NAALADL2: variants seen among roughly 807,000 people sequenced by gnomAD.
The protein encoded by NAALADL2 is inactive N-acetylated-alpha-linked acidic dipeptidase-like protein 2.
Under a neutral mutation model 87.2 loss-of-function variants are expected in NAALADL2, and 76 were observed. The ratio of observed to expected loss-of-function variants is 0.87; its 90% CI spans 0.72 to 1.05. NAALADL2 has a LOEUF of 1.05. NAALADL2 is among the 50% of genes least tolerant of loss of function. NAALADL2 has a pLI of 0.00. For missense variants in NAALADL2, 1,089 were observed against 945.8 expected (o/e 1.15, Z -1.99); for synonymous variants, 354 against 331.0 (o/e 1.07, Z -0.75).
intron 5 of NAALADL2, among the ~76,000 whole-genome samples, chr3:175,441,947 T>C (rs752576071): frequency 5.3e-5 from 8 of 152,098 alleles, no homozygotes; most frequent in Non-Finnish European, 1.0e-4. Flanking sequence ...TTTATTTTTA[T>C]TTTTATTTTT....
chr3:175,807,498 T>G lies in NAALADL2; in HGVS notation c.*4295T>G, dbSNP rs1371120078. On this transcript the variant is annotated 3_prime_UTR_variant, in exon 14 of 14. Coordinates refer to ENST00000454872, the MANE Select transcript of NAALADL2 (RefSeq NM_207015.3). ...ATTACTCCAAAAATTAAGCTTTCTCTGAGGGTAACACATTGTCATCTCATT... is the reference window on the plus strand; with the variant it reads ...ATTACTCCAAAAATTAAGCTTTCTCGGAGGGTAACACATTGTCATCTCATT... The G allele has an allele frequency of 6.6e-6, 1 of 151,968 alleles. No homozygotes were observed. The highest frequency in any genetic ancestry group is 1.5e-5 in the Non-Finnish European group (1 of 67,898). The allele number at this position is 151,968 out of a possible 1,614,324, so 9.4% of individuals were successfully genotyped here. A position where few individuals can be genotyped will look rare whatever the true frequency, so the allele number is the denominator to read the frequency against.
chr3:174,838,497 A>T (rs931337016), intron 3 of NAALADL2, among the ~76,000 whole-genome samples: 2 of 152,184 alleles, frequency 1.3e-5, no homozygotes, highest in Non-Finnish European at 2.9e-5. Flanking sequence ...TAGCAAGAGC[A>T]ATCAGACAAG....
intron 1 of NAALADL2, among the ~76,000 whole-genome samples, chr3:174,970,272 A>G (rs1174327954): frequency 6.6e-6 from 1 of 152,244 alleles, no homozygotes; most frequent in Non-Finnish European, 1.5e-5. Flanking sequence ...AATTATTTCA[A>G]ATAAATACAT....
At chr3:175,509,143 A>G (rs1276231935) in intron 9 of NAALADL2, among the ~76,000 whole-genome samples, 1 of 151,924 alleles carries the variant, frequency 6.6e-6, no homozygotes, top group Non-Finnish European at 1.5e-5. Context: ...AAAAAAGAAT[A>G]GAGAACTGCC....
chr3:175,590,198 C>T (rs1013843846), intron 10 of NAALADL2, among the ~76,000 whole-genome samples: 2 of 68,556 alleles, frequency 2.9e-5, no homozygotes, highest in Non-Finnish European at 6.2e-5. Context: ...GGCGACAGAG[C>T]GAGACTCCGT....
chr3:174,481,785 T>G (rs1717569378), intron 1 of NAALADL2, among the ~76,000 whole-genome samples: 1 of 152,112 alleles, frequency 6.6e-6, no homozygotes, highest in Non-Finnish European at 1.5e-5. Flanking sequence ...ATGGTGCTTT[T>G]AATTTCTCTT....
At chr3:174,845,138 G>A (rs919112187) in intron 3 of NAALADL2, among the ~76,000 whole-genome samples, 2 of 152,226 alleles carry the variant, frequency 1.3e-5, no homozygotes, top group Admixed American at 6.5e-5. Flanking sequence ...ATATACCTAA[G>A]CACTGGGTTA....
chr3:174,651,223 T>A (rs1724326846), intron 2 of NAALADL2, among the ~76,000 whole-genome samples: 1 of 152,202 alleles, frequency 6.6e-6, no homozygotes, highest in Non-Finnish European at 1.5e-5. Flanking sequence ...TTATCAGTGC[T>A]CGTAATTAAG....
In NAALADL2 at chr3:175,234,213, ACCATTTGTCTCTGT is replaced by A; in HGVS notation, c.819+11_819+24del. On this transcript the variant is annotated intron_variant, in intron 3 of 13. Coordinates refer to ENST00000454872, the MANE Select transcript of NAALADL2 (RefSeq NM_207015.3). The stretch of plus-strand genomic sequence containing the variant: ...CCAAAGGAACTCTCAAGGTAATATG[ACCATTTGTCTCTGT>A]CATTTACAGTGAGATGGAATTAGAA... The A allele has an allele frequency of 6.2e-7, 1 of 1,610,236 alleles. No individual in the cohort carries two copies. Among genetic ancestry groups the A allele is most frequent in the Non-Finnish European group, 8.5e-7 (1 of 1,177,778 alleles).
intron 1 of NAALADL2, among the ~76,000 whole-genome samples, chr3:174,870,691 T>C (rs1277685467): frequency 6.6e-6 from 1 of 152,180 alleles, no homozygotes; most frequent in Non-Finnish European, 1.5e-5. Context: ...TTGACCACTA[T>C]ATTTTGCAGG....
At chr3:175,012,717 G>C (rs1750013142) in intron 1 of NAALADL2, among the ~76,000 whole-genome samples, 1 of 151,884 alleles carries the variant, frequency 6.6e-6, no homozygotes, top group Non-Finnish European at 1.5e-5. Flanking sequence ...ACACTACAGT[G>C]GAAATTGAGT....
chr3:175,545,869 T>C (rs902521150), intron 9 of NAALADL2, among the ~76,000 whole-genome samples: 3 of 152,164 alleles, frequency 2.0e-5, no homozygotes, highest in African/African-American at 7.2e-5. Context: ...CATATCACCA[T>C]AGATCTATTG....
intron 1 of NAALADL2, among the ~76,000 whole-genome samples, chr3:175,077,140 C>T (rs1050073276): frequency 3.9e-5 from 6 of 152,158 alleles, no homozygotes; most frequent in Admixed American, 1.3e-4. Flanking sequence ...TTCAGATCTG[C>T]TCTTCTGTAT....
intron 3 of NAALADL2, among the ~76,000 whole-genome samples, chr3:174,782,219 A>T (rs1716074349): frequency 6.6e-6 from 1 of 152,160 alleles, no homozygotes; most frequent in South Asian, 2.1e-4. Context: ...CCCCTCACTG[A>T]GTACAAGGTT....
intron 2 of NAALADL2, among the ~76,000 whole-genome samples, chr3:174,722,663 C>T (rs1731813975): frequency 6.6e-6 from 1 of 152,162 alleles, no homozygotes; most frequent in African/African-American, 2.4e-5. Flanking sequence ...GATCGTGCCA[C>T]TGCACTCTAG....
chr3:175,698,493 A>ATG lies in NAALADL2; in HGVS notation c.1897-38812_1897-38811insGT, dbSNP rs1738488698. On this transcript the variant is annotated intron_variant, in intron 11 of 13. Transcript: ENST00000454872. ...TGTGTGTATATATATTTATATATAT[A>ATG]TATATATATAAAATCTCCAAGCAAA... Among the ~76,000 whole-genome samples, 2 of 142,450 alleles carry ATG rather than the reference A, an allele frequency of 1.4e-5. 1 individual carries two copies. The highest frequency in any genetic ancestry group is 5.4e-5 in the African/African-American group (2 of 37,356). 93.5% of individuals were successfully genotyped at this position (142,450 alleles called of 152,430 possible).
intron 11 of NAALADL2, among the ~76,000 whole-genome samples, chr3:175,709,519 C>A (rs188626481): frequency 6.6e-6 from 1 of 152,050 alleles, no homozygotes; most frequent in Non-Finnish European, 1.5e-5. Context: ...CCATTGGTAG[C>A]GCCTGTGAAG....
rs63613963 is a variant in NAALADL2, at chr3:174,763,834, A to C, written c.-9+26088A>C. ...AAACTAAAACCAAAACAAAACAAAA[A>C]AAAAAAAACAAACAAAATTTAAAAA... On this transcript the variant is annotated intron_variant, in intron 3 of 3. Transcript: ENST00000434257. 7.7e-3 allele frequency among the ~76,000 whole-genome samples: 971 copies of C among 125,592 alleles called. 11 individuals are homozygous for C. The highest frequency in any genetic ancestry group is 0.011 in the Non-Finnish European group (651 of 59,280). The allele number at this position is 125,592 out of a possible 152,430, so 82.4% of individuals were successfully genotyped here.
At chr3:175,590,451 T>C (rs1393495326) in intron 10 of NAALADL2, among the ~76,000 whole-genome samples, 1 of 151,264 alleles carries the variant, frequency 6.6e-6, no homozygotes, top group African/African-American at 2.4e-5. Context: ...AGAAATAATA[T>C]GGTATAGAGG....
Sources: gnomAD v4.1 joint callset for allele counts (sites outside exome capture counted in the v4.1 genomes callset) on GRCh38, gnomAD v4.1.1 for gene constraint, MANE v1.5 for transcripts, NCBI Gene and HGNC (gene_info 2026-07-23, HGNC 2026-07-21) for gene names.